The following HEATR6 variants were observed in gnomAD, a reference collection of about 807,000 sequenced individuals.
HEATR6 encodes HEAT repeat containing 6, also known as HEAT repeat-containing protein 6.
A neutral mutation model predicts 132.8 loss-of-function variants in HEATR6; 106 were observed. The ratio of observed to expected loss-of-function variants is 0.80; its 90% CI spans 0.68 to 0.94. The LOEUF is 0.94. HEATR6 is among the 40% of genes least tolerant of loss of function. The pLI is 0.00. For missense variants in HEATR6, 1,339 were observed against 1,425.1 expected (o/e 0.94, Z 0.97); for synonymous variants, 529 against 537.8 (o/e 0.98, Z 0.23).
rs139822393 is a variant in HEATR6 at position 60,069,809 on chromosome 17, T to C, written c.841A>G (p.Met281Val). 113 of 1,614,060 alleles carry C rather than the reference T, an allele frequency of 7.0e-5. 1 individual carries two copies. The African/African-American group carries it at 1.4e-3, about 20-fold the overall frequency. Residue 281 changes from methionine to valine, a missense_variant, in exon 7 of 20, where the codon ATG becomes GTG. Transcript: ENST00000184956. ...FHGLPGLNIE[M>V]PTVLYPTPLP... ...GGAGTTGGGTATAACACCGTGGGCA[T>C]CTCTATGTTTAGTCCAGGGAGTCCG...
chr17:60,057,414 A>G lies in HEATR6; in HGVS notation c.1724-11T>C. On this transcript the variant is annotated splice_polypyrimidine_tract_variant and intron_variant, in intron 11 of 19. Coordinates refer to ENST00000184956, the MANE Select transcript of HEATR6 (RefSeq NM_022070.5). The stretch of plus-strand genomic sequence containing the variant: ...CACGAACATTAACATCTGTCAAAGG[A>G]AGCAGTAAGAACTTATCATCATGGC... The G allele has an allele frequency of 4.5e-6, 7 of 1,539,380 alleles. No homozygotes were observed. Among genetic ancestry groups the G allele is most frequent in the Non-Finnish European group, 6.2e-6 (7 of 1,129,740 alleles).
rs1313803978 is a variant in HEATR6 at position 60,073,196 on chromosome 17, A to C, written c.552T>G (p.Ala184=). 12 of 1,612,582 alleles carry C rather than the reference A, an allele frequency of 7.4e-6. No homozygotes were observed. The highest frequency in any genetic ancestry group is 1.0e-5 in the Non-Finnish European group (12 of 1,178,710). The change falls in exon 4 of 20, where the codon GCT becomes GCG. Residue 184 remains alanine (A), a synonymous_variant. Transcript: ENST00000184956. ...LAQSDPEVRR[A]AVHCMANLCL... is the part of the protein sequence containing the mutation. ...ATAAGTTTGCCATACAATGTACTGC[A>C]GCTCTCCTGACTTCAGGATCAGACT...
At chr17:60,060,609 G>A (rs772095725) in intron 9 of HEATR6, among the ~76,000 whole-genome samples, 19 of 152,174 alleles carry the variant, frequency 1.2e-4, no homozygotes, top group Non-Finnish European at 2.2e-4. Context: ...AACAGCCCAT[G>A]GGGTAGAAAA....
intron 12 of HEATR6, among the ~76,000 whole-genome samples, chr17:60,056,752 T>C (rs1367483575): frequency 1.3e-5 from 2 of 151,912 alleles, no homozygotes; most frequent in Admixed American, 6.6e-5. Context: ...AAATTAACTG[T>C]ACAATTTCAC....
Position 60,044,064 on chromosome 17 carries a change from T to C in HEATR6, c.3045A>G (p.Lys1015=). Reference sequence around the variant, plus strand: ...GGGCAGCTGCAGATCTGATGCGCACTTTGAAGTTCTTGCATGATGTCACGA... The same window carrying C: ...GGGCAGCTGCAGATCTGATGCGCACCTTGAAGTTCTTGCATGATGTCACGA... ...TSVVTSCKNF[K]VRIRSAAALS... The change falls in exon 20 of 20, where the codon AAA becomes AAG. Residue 1015 remains lysine, a synonymous_variant. Transcript: ENST00000184956. 1 of 1,614,176 alleles carries C rather than the reference T, an allele frequency of 6.2e-7. No homozygotes were observed. Among genetic ancestry groups the C allele is most frequent in the Non-Finnish European group, 8.5e-7 (1 of 1,180,036 alleles).
At chr17:60,060,235 C>T (rs1906889782) in intron 9 of HEATR6, 139 bp from the exon 10 acceptor site, 1 of 638,064 alleles carries the variant, frequency 1.6e-6, no homozygotes, top group Non-Finnish European at 2.7e-6. Context: ...TCTGTTAGTT[C>T]CTAAAAACTA....
chr17:60,057,429 A>T, intron 11 of HEATR6, 26 bp from the exon 12 acceptor site: 1 of 1,441,084 alleles, frequency 6.9e-7, no homozygotes, highest in Non-Finnish European at 9.5e-7. Flanking sequence ...GTAAGAACTT[A>T]TCATCATGGC....
At chr17:60,067,385 A>T in intron 8 of HEATR6, 49 bp downstream of exon 8, 2 of 1,339,306 alleles carry the variant, frequency 1.5e-6, no homozygotes, top group Non-Finnish European at 2.0e-6. Context: ...TTATAAACTT[A>T]CATGCAACTT....
chr17:60,056,872 A>G lies in HEATR6; in HGVS notation c.2079+176T>C, dbSNP rs140122265. ...GGAATGAATCTGCTATTTTACAACC[A>G]AAGAACACCTCCCCAAAACAAAACA... On this transcript the variant is annotated intron_variant, in intron 12 of 19. Coordinates refer to ENST00000184956, the MANE Select transcript of HEATR6 (RefSeq NM_022070.5). Among the ~76,000 whole-genome samples, 74 of 152,356 alleles carry G rather than the reference A, an allele frequency of 4.9e-4. No individual in the cohort carries two copies. In the Middle Eastern group the frequency reaches 0.027, roughly 56 times the overall value.
chr17:60,076,003 G>C (rs1033343914), intron 2 of HEATR6, 127 bp downstream of exon 2: 1 of 555,594 alleles, frequency 1.8e-6, no homozygotes, highest in African/African-American at 1.9e-5. Flanking sequence ...TTCTTATTTA[G>C]GCATTTGCTT....
intron 14 of HEATR6, among the ~76,000 whole-genome samples, chr17:60,055,059 T>C (rs1906700197): frequency 6.6e-6 from 1 of 152,140 alleles, no homozygotes; most frequent in Non-Finnish European, 1.5e-5. Flanking sequence ...TATGAGCTCA[T>C]ACGAGAGCTG....
intron 1 of HEATR6, among the ~76,000 whole-genome samples, chr17:60,077,838 T>C (rs1449897743): frequency 6.6e-6 from 1 of 152,168 alleles, no homozygotes; most frequent in Non-Finnish European, 1.5e-5. Context: ...TCTAAGGCAC[T>C]CGCTATGGGA....
At chr17:60,045,187 G>C (rs74664782) in intron 19 of HEATR6, among the ~76,000 whole-genome samples, 5 of 152,218 alleles carry the variant, frequency 3.3e-5, no homozygotes, top group African/African-American at 1.2e-4. Context: ...AACCCAAAAG[G>C]TCACCCTTAG....
chr17:60,048,407 C>A lies in HEATR6; in HGVS notation c.2548-19G>T. The A allele has an allele frequency of 6.3e-7, 1 of 1,598,920 alleles. No individual in the cohort carries two copies. The highest frequency in any genetic ancestry group is 8.6e-7 in the Non-Finnish European group (1 of 1,169,084). ...TGACATCCTGTAACACAAAACAAAA[C>A]ACTGCAGTTACTTTAGCAGGTCATG... On this transcript the variant is annotated intron_variant, in intron 16 of 19. Transcript: ENST00000184956.
At chr17:60,050,413 T>A (rs895562080) in intron 15 of HEATR6, among the ~76,000 whole-genome samples, 6 of 152,222 alleles carry the variant, frequency 3.9e-5, no homozygotes, top group Admixed American at 2.0e-4. Flanking sequence ...AAATACCATA[T>A]GTGTTGGACA....
intron 16 of HEATR6, among the ~76,000 whole-genome samples, chr17:60,048,651 T>A (rs529970705): frequency 1.3e-5 from 2 of 152,264 alleles, no homozygotes; most frequent in Admixed American, 1.3e-4. Context: ...ACATCGAATA[T>A]ATAAGCTGGC....
At chr17:60,075,629 G>A (rs764472214) in intron 2 of HEATR6, 1 of 152,082 alleles carries the variant, frequency 6.6e-6, no homozygotes, top group Non-Finnish European at 1.5e-5. Flanking sequence ...GAAAGAGGCA[G>A]GGGATTATTT....
chr17:60,065,622 T>C (rs1463069663), intron 9 of HEATR6, among the ~76,000 whole-genome samples: 1 of 152,260 alleles, frequency 6.6e-6, no homozygotes, highest in Non-Finnish European at 1.5e-5. Flanking sequence ...TAGCTATCCA[T>C]GCCTGCCAAT....
In HEATR6 at chr17:60,042,984, C is replaced by T. The variant is rs985033751; in HGVS notation, c.*579G>A. ...CTGTGAGGCACTGTCAGCATCCTCG[C>T]GTCCTGTGTGGCTGTGAGGCACCGT... On this transcript the variant is annotated 3_prime_UTR_variant, in exon 20 of 20. Coordinates refer to ENST00000184956, the MANE Select transcript of HEATR6 (RefSeq NM_022070.5). 2 of 128,426 alleles carry T rather than the reference C, an allele frequency of 1.6e-5. No homozygotes were observed. The highest frequency in any genetic ancestry group is 1.4e-4 in the South Asian group (1 of 7,002). 8.0% of individuals were successfully genotyped at this position (128,426 alleles called of 1,614,324 possible).
Sources: allele counts gnomAD v4.1 joint callset (sites outside exome capture counted in the v4.1 genomes callset), GRCh38; gene constraint gnomAD v4.1.1; transcripts MANE v1.5; gene names NCBI Gene and HGNC (gene_info 2026-07-23, HGNC 2026-07-21).